The following CEP128 variants were observed in gnomAD, a reference collection of about 807,000 sequenced individuals.
The protein encoded by CEP128 is centrosomal protein 128kDa.
CEP128 carries 132 observed loss-of-function variants against 156.7 expected under a neutral mutation model. The ratio of observed to expected loss-of-function variants is 0.84; its 90% CI spans 0.73 to 0.97. The LOEUF (loss-of-function observed/expected upper bound fraction) is 0.97, where lower values mean the gene tolerates loss of function less well. Among genes scored for constraint, CEP128 ranks in the 50% least tolerant of loss-of-function variants. The pLI, the probability that CEP128 is intolerant of heterozygous loss-of-function variation, is 0.00. For synonymous variants in CEP128, 469 were observed against 448.9 expected (o/e 1.04, Z -0.57); for missense variants, 1,252 against 1,281.9 (o/e 0.98, Z 0.36).
chr14:80,527,514 T>C (rs1451178091), intron 22 of CEP128, among the ~76,000 whole-genome samples: 1 of 151,802 alleles, frequency 6.6e-6, no homozygotes, highest in Admixed American at 6.6e-5. Context: ...CCTACAGTGG[T>C]TACCTGAATT....
intron 13 of CEP128, among the ~76,000 whole-genome samples, chr14:80,818,502 TC>T (rs1884990634): frequency 6.6e-6 from 1 of 152,250 alleles, no homozygotes; most frequent in African/African-American, 2.4e-5. Context: ...GCCCTGTGAC[TC>T]CAATCCCTGG....
downstream of CEP128, among the ~76,000 whole-genome samples, chr14:80,495,610 A>G (rs1887466738): frequency 6.6e-6 from 1 of 151,792 alleles, no homozygotes; most frequent in South Asian, 2.1e-4. Context: ...GTTTTCAAGC[A>G]TTTCTCAAGT....
intron 1 of CEP128, among the ~76,000 whole-genome samples, chr14:80,939,793 T>C (rs1168413061): frequency 2.6e-5 from 4 of 152,150 alleles, no homozygotes; most frequent in African/African-American, 7.2e-5. Context: ...GAGTTCATGC[T>C]CCAGTGTGAA....
chr14:80,717,289 T>C (rs28451240), intron 19 of CEP128, among the ~76,000 whole-genome samples: 9,959 of 152,224 alleles, frequency 0.065, 1,077 homozygotes, highest in African/African-American at 0.23. Flanking sequence ...AAAGAACATA[T>C]GAAAATACTG....
intron 1 of CEP128, 43 bp downstream of exon 1, chr14:80,941,538 G>A (rs1232633004): frequency 6.5e-6 from 1 of 152,728 alleles, no homozygotes; most frequent in Non-Finnish European, 1.5e-5. Flanking sequence ...AGTAAGACGG[G>A]GAAGTGGTCG....
chr14:80,672,289 T>C (rs1409054227), intron 19 of CEP128, among the ~76,000 whole-genome samples: 1 of 134,142 alleles, frequency 7.5e-6, no homozygotes, highest in Non-Finnish European at 1.6e-5. Context: ...TAAACAAATT[T>C]TGAGATACCT....
intron 23 of CEP128, among the ~76,000 whole-genome samples, chr14:80,517,684 C>T (rs1166989560): frequency 6.6e-6 from 1 of 152,186 alleles, no homozygotes; most frequent in African/African-American, 2.4e-5. Context: ...CGGCAAGCCT[C>T]TTGTTCTCTG....
At chr14:80,628,006 C>T (rs2140706167) in intron 19 of CEP128, among the ~76,000 whole-genome samples, 1 of 152,276 alleles carries the variant, frequency 6.6e-6, no homozygotes, top group South Asian at 2.1e-4. Flanking sequence ...CTCAGCACAG[C>T]TCTCTTGAAG....
chr14:80,788,288 C>CTT (rs10628361), intron 14 of CEP128, among the ~76,000 whole-genome samples: 33,883 of 97,474 alleles, frequency 0.35, 6,557 homozygotes, highest in South Asian at 0.45. Context: ...TGGCCAGGAT[C>CTT]TTTTTTTTTT....
intron 19 of CEP128, among the ~76,000 whole-genome samples, chr14:80,592,360 G>T (rs111814905): frequency 5.3e-5 from 8 of 152,260 alleles, no homozygotes; most frequent in African/African-American, 1.7e-4. Context: ...TACCATCAGA[G>T]AATACTATAA....
chr14:80,744,620 C>T (rs1317138202), intron 18 of CEP128, among the ~76,000 whole-genome samples: 2 of 152,106 alleles, frequency 1.3e-5, no homozygotes, highest in African/African-American at 4.8e-5. Flanking sequence ...CTCCTTCTAC[C>T]CTCAGTGTGA....
chr14:80,723,562 G>C (rs142562879), intron 19 of CEP128, among the ~76,000 whole-genome samples: 27 of 152,276 alleles, frequency 1.8e-4, no homozygotes, highest in African/African-American at 6.3e-4. Context: ...ATAAATTATA[G>C]AGGGAAATCT....
intron 21 of CEP128, among the ~76,000 whole-genome samples, chr14:80,536,284 G>GA (rs1006498760): frequency 8.6e-5 from 13 of 151,558 alleles, no homozygotes; most frequent in African/African-American, 2.2e-4. Context: ...ACTGCTCTTT[G>GA]AAAAAAAATG....
At chr14:80,514,371 A>G (rs1291813813) in intron 23 of CEP128, among the ~76,000 whole-genome samples, 2 of 151,960 alleles carry the variant, frequency 1.3e-5, no homozygotes, top group African/African-American at 4.8e-5. Flanking sequence ...CTTTTCATCA[A>G]CAGAGGCTAT....
chr14:80,701,632 C>T (rs1216167505), intron 19 of CEP128, among the ~76,000 whole-genome samples: 3 of 152,140 alleles, frequency 2.0e-5, no homozygotes, highest in African/African-American at 4.8e-5. Flanking sequence ...TAAAAGGGAC[C>T]GCTTGAAATT....
chr14:80,517,934 T>C (rs1888565857), intron 23 of CEP128, among the ~76,000 whole-genome samples: 1 of 151,990 alleles, frequency 6.6e-6, no homozygotes, highest in Admixed American at 6.6e-5. Context: ...GTGGACACCC[T>C]GCCAGATCCA....
At chr14:80,585,344 AC>A (rs1891776643) in intron 19 of CEP128, among the ~76,000 whole-genome samples, 1 of 152,224 alleles carries the variant, frequency 6.6e-6, no homozygotes, top group South Asian at 2.1e-4. Flanking sequence ...GAGGTTTGAC[AC>A]TTTTTAATGT....
chr14:80,679,667 T>G (rs1047437533), intron 19 of CEP128, among the ~76,000 whole-genome samples: 10 of 152,232 alleles, frequency 6.6e-5, no homozygotes, highest in South Asian at 2.1e-4. Context: ...TTTTACCTTA[T>G]GATCTTTGCC....
At chr14:80,772,264 AAAG>A (rs1180016616) in intron 16 of CEP128, among the ~76,000 whole-genome samples, 3 of 152,240 alleles carry the variant, frequency 2.0e-5, no homozygotes, top group Admixed American at 6.5e-5. Context: ...CATGAGCAGA[AAAG>A]AAGATGAACA....
Sources: gnomAD v4.1 joint callset for allele counts (sites outside exome capture counted in the v4.1 genomes callset) on GRCh38, gnomAD v4.1.1 for gene constraint, MANE v1.5 for transcripts, NCBI Gene and HGNC (gene_info 2026-07-23, HGNC 2026-07-21) for gene names.